Variants in RARB observed in about 807,000 individuals in gnomAD.
The protein encoded by RARB is retinoic acid receptor beta.
A neutral mutation model predicts 51.9 loss-of-function variants in RARB; 17 were observed. The observed-to-expected ratio is 0.33, with a 90% CI of 0.22 to 0.49. The LOEUF (loss-of-function observed/expected upper bound fraction) is 0.49, where lower values mean the gene tolerates loss of function less well. Ranked by LOEUF, RARB falls within the 20% of genes least tolerant of loss-of-function variation. The probability of loss-of-function intolerance (pLI) is 0.99; values close to 1 mark genes in which losing one functional copy is unlikely to be tolerated. For missense variants in RARB, 369 were observed against 550.8 expected (o/e 0.67, Z 3.30); for synonymous variants, 215 against 195.4 (o/e 1.10, Z -0.84).
At chr3:25,388,628 G>T (rs905399571) in intron 5 of RARB, among the ~76,000 whole-genome samples, 1 of 152,162 alleles carries the variant, frequency 6.6e-6, no homozygotes, top group Admixed American at 6.6e-5. Context: ...AGAAAGAAAT[G>T]CTTAAAATTA....
At chr3:25,473,935 C>G (rs1188525527) in intron 2 of RARB, among the ~76,000 whole-genome samples, 1 of 18,386 alleles carries the variant, frequency 5.4e-5, no homozygotes, top group African/African-American at 2.1e-4. Context: ...AAAAAAAAAC[C>G]TTTATCTTGG....
intron 2 of RARB, among the ~76,000 whole-genome samples, chr3:24,910,204 G>GTGAATTAAAATTT (rs1232239349): frequency 1.3e-5 from 2 of 151,970 alleles, no homozygotes; most frequent in East Asian, 3.9e-4. Context: ...TTGAAAAATT[G>GTGAATTAAAATTT]TTCTTCCTAA....
chr3:25,382,251 CCT>C (rs2125480146), intron 5 of RARB, among the ~76,000 whole-genome samples: 1 of 152,306 alleles, frequency 6.6e-6, no homozygotes, highest in African/African-American at 2.4e-5. Flanking sequence ...GTGCTTTTCA[CCT>C]CTCAAAATAA....
At chr3:25,275,216 C>T (rs1703352482) in intron 5 of RARB, among the ~76,000 whole-genome samples, 2 of 152,276 alleles carry the variant, frequency 1.3e-5, no homozygotes, top group Non-Finnish European at 2.9e-5. Context: ...AATCCCAACA[C>T]TTTGGGAGGT....
intron 2 of RARB, among the ~76,000 whole-genome samples, chr3:24,902,674 T>C (rs1163308490): frequency 1.3e-5 from 2 of 152,176 alleles, no homozygotes; most frequent in African/African-American, 2.4e-5. Flanking sequence ...TCTCTTTCTG[T>C]TTCTCAAATG....
intron 1 of RARB, among the ~76,000 whole-genome samples, chr3:24,837,776 G>C: frequency 6.6e-6 from 1 of 152,128 alleles, no homozygotes; most frequent in East Asian, 1.9e-4. Context: ...ACACCAAAAA[G>C]GAAACAGTGA....
chr3:25,547,032 C>T (rs1162482541), intron 3 of RARB, among the ~76,000 whole-genome samples: 3 of 152,142 alleles, frequency 2.0e-5, no homozygotes, highest in Non-Finnish European at 4.4e-5. Flanking sequence ...TAAAATTTCA[C>T]CCCCAAATCA....
At chr3:25,319,024 C>A (rs1328747410) in intron 5 of RARB, among the ~76,000 whole-genome samples, 1 of 152,124 alleles carries the variant, frequency 6.6e-6, no homozygotes, top group Non-Finnish European at 1.5e-5. Context: ...CGTAATTTAG[C>A]TGTTAATGCT....
At chr3:25,481,666 C>G (rs1248710714) in intron 2 of RARB, among the ~76,000 whole-genome samples, 1 of 152,146 alleles carries the variant, frequency 6.6e-6, no homozygotes, top group Non-Finnish European at 1.5e-5. Flanking sequence ...TACATATTGT[C>G]CCTGTGGTAC....
intron 2 of RARB, among the ~76,000 whole-genome samples, chr3:24,941,891 T>G (rs1695675132): frequency 6.6e-6 from 1 of 152,228 alleles, no homozygotes; most frequent in African/African-American, 2.4e-5. Context: ...AACTTAATCT[T>G]CTGAATTTGC....
intron 5 of RARB, among the ~76,000 whole-genome samples, chr3:25,285,272 G>T (rs987156587): frequency 6.6e-6 from 1 of 152,148 alleles, no homozygotes; most frequent in Admixed American, 6.5e-5. Flanking sequence ...GAATTCTGAA[G>T]AACAAATTAA....
intron 3 of RARB, among the ~76,000 whole-genome samples, chr3:25,115,277 T>G (rs1016527546): frequency 2.0e-4 from 30 of 152,174 alleles, no homozygotes; most frequent in Non-Finnish European, 3.2e-4. Flanking sequence ...CATAAATATT[T>G]AAAAAGCATC....
At chr3:25,594,854 AC>A (rs1343732466) in intron 7 of RARB, among the ~76,000 whole-genome samples, 176 bp downstream of exon 7, 18 of 148,856 alleles carry the variant, frequency 1.2e-4, no homozygotes, top group South Asian at 6.4e-4. Context: ...AAAAAAAAAA[AC>A]ACCTCAAATC....
rs549164842 is a variant in RARB at position 25,428,422 on chromosome 3, C to T, written c.-310C>T. On this transcript the variant is annotated 5_prime_UTR_variant, in exon 1 of 8. Coordinates refer to ENST00000330688, the MANE Select transcript of RARB (RefSeq NM_000965.5). ...TGTCTGGGCACCGTCGGGGTAGGAT[C>T]CGGAACGCATTCGGAAGGCTTTTTG... is the stretch of plus-strand genomic sequence containing the variant. The T allele has an allele frequency of 1.9e-5, 24 of 1,276,096 alleles. No individual in the cohort carries two copies. The highest frequency in any genetic ancestry group is 6.0e-4 in the Middle Eastern group (2 of 3,338). The allele number at this position is 1,276,096 out of a possible 1,614,324, so 79.0% of individuals were successfully genotyped here.
intron 2 of RARB, among the ~76,000 whole-genome samples, chr3:24,898,158 G>A (rs1015241250): frequency 1.3e-5 from 2 of 152,026 alleles, no homozygotes; most frequent in Non-Finnish European, 1.5e-5. Context: ...TGGCCTGACT[G>A]GTACCTACAG....
intron 2 of RARB, among the ~76,000 whole-genome samples, chr3:24,987,191 A>T (rs1355104361): frequency 6.6e-6 from 1 of 152,202 alleles, no homozygotes; most frequent in South Asian, 2.1e-4. Flanking sequence ...AAGGAAGATA[A>T]ACTTAATCAC....
intron 1 of RARB, among the ~76,000 whole-genome samples, chr3:24,836,190 G>T (rs919080483): frequency 7.2e-5 from 11 of 152,170 alleles, no homozygotes; most frequent in African/African-American, 2.7e-4. Flanking sequence ...TGACCACCAA[G>T]GAATGAGCAA....
chr3:25,469,779 A>G (rs1419161025), intron 2 of RARB, among the ~76,000 whole-genome samples: 1 of 152,212 alleles, frequency 6.6e-6, no homozygotes, highest in Non-Finnish European at 1.5e-5. Flanking sequence ...GGCCTGTCCA[A>G]TAATAGGGAT....
At chr3:25,357,935 G>T (rs1340031599) in intron 5 of RARB, among the ~76,000 whole-genome samples, 1 of 152,146 alleles carries the variant, frequency 6.6e-6, no homozygotes, top group Non-Finnish European at 1.5e-5. Context: ...TTGAAGTCAG[G>T]TAGCATGATT....
Sources: allele counts gnomAD v4.1 joint callset (sites outside exome capture counted in the v4.1 genomes callset), GRCh38; gene constraint gnomAD v4.1.1; transcripts MANE v1.5; gene names NCBI Gene and HGNC (gene_info 2026-07-23, HGNC 2026-07-21).